LUZP2: variants seen among roughly 807,000 people sequenced by gnomAD.
LUZP2 encodes the protein leucine zipper protein 2.
In LUZP2, 52 loss-of-function variants were observed where a neutral mutation model predicts 51.6. That is an observed-to-expected ratio of 1.01 (90% CI 0.81 to 1.27). The LOEUF is 1.27. LUZP2 is among the 50% of genes most tolerant of loss of function. LUZP2 has a pLI of 0.00. For synonymous variants in LUZP2, 154 were observed against 137.3 expected (o/e 1.12, Z -0.85); for missense variants, 436 against 395.4 (o/e 1.10, Z -0.87).
At chr11:25,038,206 A>T (rs527303844) in intron 9 of LUZP2, among the ~76,000 whole-genome samples, 1 of 152,134 alleles carries the variant, frequency 6.6e-6, no homozygotes, top group East Asian at 1.9e-4. Context: ...TCCATTTTTT[A>T]AATTCTTTAA....
At chr11:24,746,661 T>A (rs1290495048) in intron 4 of LUZP2, among the ~76,000 whole-genome samples, 3 of 152,204 alleles carry the variant, frequency 2.0e-5, no homozygotes, top group African/African-American at 7.2e-5. Context: ...AACTTTTAGA[T>A]TTATCTTCTT....
At chr11:24,576,743 T>C (rs1237213724) in intron 1 of LUZP2, among the ~76,000 whole-genome samples, 1 of 151,942 alleles carries the variant, frequency 6.6e-6, no homozygotes, top group African/African-American at 2.4e-5. Flanking sequence ...ATTTTTAGAG[T>C]GTATATATAA....
chr11:24,979,835 T>A (rs1446197), intron 8 of LUZP2, among the ~76,000 whole-genome samples: 135,763 of 151,784 alleles, frequency 0.89, 62,363 homozygotes, highest in Non-Finnish European at 0.99. Flanking sequence ...ACAGATGACA[T>A]AGGTAGGGTA....
intron 1 of LUZP2, among the ~76,000 whole-genome samples, chr11:24,542,101 T>A (rs2202893): frequency 0.42 from 63,413 of 151,910 alleles, 13,715 homozygotes; most frequent in African/African-American, 0.52. Context: ...ACAGTGATAC[T>A]TATTGGAAGG....
intron 1 of LUZP2, among the ~76,000 whole-genome samples, chr11:24,724,674 AC>A (rs1858406906): frequency 6.6e-6 from 1 of 152,228 alleles, no homozygotes; most frequent in Non-Finnish European, 1.5e-5. Flanking sequence ...GTCTTAGGCA[AC>A]ATGATTAATA....
chr11:25,000,822 G>A (rs144620512), intron 9 of LUZP2, among the ~76,000 whole-genome samples: 36 of 152,300 alleles, frequency 2.4e-4, no homozygotes, highest in African/African-American at 5.3e-4. Flanking sequence ...GTTTTGGAGA[G>A]TCACTGCTGC....
At chr11:24,669,246 T>A (rs1393758007) in intron 1 of LUZP2, among the ~76,000 whole-genome samples, 1 of 152,134 alleles carries the variant, frequency 6.6e-6, no homozygotes, top group Admixed American at 6.5e-5. Context: ...AAATGAGCAG[T>A]TTGTTCCTTA....
chr11:24,928,460 GT>G (rs201363716), intron 7 of LUZP2, among the ~76,000 whole-genome samples: 1,746 of 151,970 alleles, frequency 0.011, 20 homozygotes, highest in Non-Finnish European at 0.019. Context: ...TTTGTCAAAT[GT>G]TTTTTTCTGT....
At chr11:24,846,514 A>G (rs1391446433) in intron 5 of LUZP2, among the ~76,000 whole-genome samples, 1 of 152,124 alleles carries the variant, frequency 6.6e-6, no homozygotes, top group Non-Finnish European at 1.5e-5. Context: ...ATTTCTCAAA[A>G]GACAGCTGAC....
intron 1 of LUZP2, among the ~76,000 whole-genome samples, chr11:24,686,223 C>CAAA (rs56907734): frequency 2.3e-3 from 337 of 148,228 alleles, no homozygotes; most frequent in East Asian, 6.3e-3. Flanking sequence ...GTGAACTCTG[C>CAAA]AAAAAAAAAA....
chr11:24,659,668 T>C (rs929493189), intron 1 of LUZP2, among the ~76,000 whole-genome samples: 3 of 152,118 alleles, frequency 2.0e-5, no homozygotes, highest in African/African-American at 7.2e-5. Context: ...TATTTTTAAA[T>C]ACATAAAATA....
At chr11:25,024,785 G>A (rs1240627616) in intron 9 of LUZP2, among the ~76,000 whole-genome samples, 1 of 149,398 alleles carries the variant, frequency 6.7e-6, no homozygotes, top group African/African-American at 2.5e-5. Flanking sequence ...CACAGAATTG[G>A]AAAAAACTAC....
intron 5 of LUZP2, among the ~76,000 whole-genome samples, chr11:24,872,337 T>C (rs1852105329): frequency 6.6e-6 from 1 of 152,152 alleles, no homozygotes. Context: ...TATGGGTACT[T>C]ATATCCATCT....
intron 4 of LUZP2, among the ~76,000 whole-genome samples, chr11:24,739,423 G>A (rs1859055884): frequency 6.6e-6 from 1 of 152,060 alleles, no homozygotes; most frequent in African/African-American, 2.4e-5. Flanking sequence ...TGAAAAGTGT[G>A]TCTCTGGGAG....
At chr11:25,018,037 G>GTTTTTTTTTTT (rs1410360304) in intron 9 of LUZP2, among the ~76,000 whole-genome samples, 2 of 131,096 alleles carry the variant, frequency 1.5e-5, no homozygotes, top group African/African-American at 3.0e-5. Flanking sequence ...TTTTGTTTCT[G>GTTTTTTTTTTT]TTTTTTTTTT....
intron 1 of LUZP2, among the ~76,000 whole-genome samples, chr11:24,584,837 A>G (rs1178775390): frequency 6.6e-6 from 1 of 152,174 alleles, no homozygotes; most frequent in African/African-American, 2.4e-5. Flanking sequence ...TAAATACTTG[A>G]TCCTAACTGG....
intron 1 of LUZP2, among the ~76,000 whole-genome samples, chr11:24,682,616 G>GTA (rs371555768): frequency 5.6e-4 from 80 of 144,020 alleles, no homozygotes; most frequent in South Asian, 4.4e-4. Flanking sequence ...ATGTGTATGT[G>GTA]TATATATATA....
chr11:25,024,668 A>G (rs1857431354), intron 9 of LUZP2, among the ~76,000 whole-genome samples: 1 of 152,172 alleles, frequency 6.6e-6, no homozygotes, highest in Non-Finnish European at 1.5e-5. Flanking sequence ...ATGGAAGAAC[A>G]TTCCATGCTC....
chr11:24,721,090 G>T (rs1353519743), intron 1 of LUZP2, among the ~76,000 whole-genome samples: 3 of 152,118 alleles, frequency 2.0e-5, no homozygotes, highest in African/African-American at 7.2e-5. Context: ...TAACATAAAC[G>T]ACGTTTAATG....
Sources: gnomAD v4.1 joint callset for allele counts (sites outside exome capture counted in the v4.1 genomes callset) on GRCh38, gnomAD v4.1.1 for gene constraint, MANE v1.5 for transcripts, NCBI Gene and HGNC (gene_info 2026-07-23, HGNC 2026-07-21) for gene names.